EZH2: variants seen among roughly 807,000 people sequenced by gnomAD.
The protein encoded by EZH2 is enhancer of zeste 2 polycomb repressive complex 2 subunit, also known as histone-lysine N-methyltransferase EZH2.
In EZH2, 18 loss-of-function variants were observed where a neutral mutation model predicts 98.4. The observed-to-expected ratio is 0.18, with a 90% confidence interval of 0.13 to 0.27. The LOEUF is 0.27. Among genes scored for constraint, EZH2 ranks in the 10% least tolerant of loss-of-function variants. EZH2 has a pLI of 1.00. For missense variants in EZH2, 470 were observed against 935.1 expected, an observed-to-expected ratio of 0.50 and a Z score of 6.49; for synonymous variants, 338 against 312.3, an observed-to-expected ratio of 1.08 and a Z score of -0.87.
intron 1 of EZH2, among the ~76,000 whole-genome samples, chr7:148,881,609 C>A (rs1037353223): frequency 5.9e-5 from 9 of 152,068 alleles, no homozygotes; most frequent in Admixed American, 5.9e-4. Context: ...TAGTAATTAT[C>A]AAATACAGAG....
chr7:148,828,818 C>CT lies in EZH2; in HGVS notation c.546_547insA (p.Asp183ArgfsTer2). On this transcript the variant is annotated frameshift_variant, in exon 6 of 20. Transcript: ENST00000320356. LOFTEE classifies it high-confidence loss of function. ...TCTCCATCATCATCATCGTCATCAT[C>CT]ATTATATTGACCAAGGGCATTCACC... The CT allele has an allele frequency of 6.2e-7, 1 of 1,613,618 alleles. No homozygotes were observed. Among genetic ancestry groups the CT allele is most frequent in the Non-Finnish European group, 8.5e-7 (1 of 1,179,804 alleles).
chr7:148,829,920 C>CT, intron 4 of EZH2, 72 bp from the exon 5 acceptor site: 5 of 1,188,988 alleles, frequency 4.2e-6, no homozygotes, highest in Non-Finnish European at 5.8e-6. Context: ...AAAATACAAC[C>CT]TTTTTTTCAT....
At chr7:148,877,224 C>T (rs1820295428) in intron 1 of EZH2, among the ~76,000 whole-genome samples, 1 of 152,040 alleles carries the variant, frequency 6.6e-6, no homozygotes, top group Non-Finnish European at 1.5e-5. Context: ...TTAAAGGTAG[C>T]GAATGAGATA....
At chr7:148,828,246 T>C (rs989717529) in intron 6 of EZH2, among the ~76,000 whole-genome samples, 1 of 152,262 alleles carries the variant, frequency 6.6e-6, no homozygotes. Flanking sequence ...TATATTATAA[T>C]GATGCCCAGT....
intron 12 of EZH2, 76 bp from the exon 13 acceptor site, chr7:148,815,622 T>C: frequency 7.8e-7 from 1 of 1,276,078 alleles, no homozygotes; most frequent in Non-Finnish European, 1.1e-6. Flanking sequence ...CTTAACTGGA[T>C]CTATCTGTGC....
At chr7:148,842,477 T>G (rs1812712108) in intron 3 of EZH2, among the ~76,000 whole-genome samples, 1 of 152,186 alleles carries the variant, frequency 6.6e-6, no homozygotes. Context: ...AAGACAAAGT[T>G]ATGAAAGTCA....
chr7:148,852,928 A>C (rs1816116843), intron 1 of EZH2, among the ~76,000 whole-genome samples: 1 of 152,156 alleles, frequency 6.6e-6, no homozygotes, highest in Middle Eastern at 3.2e-3. Context: ...ATCCACGAAG[A>C]CTCAAGTCCC....
chr7:148,830,463 A>C (rs1205151399), intron 4 of EZH2, among the ~76,000 whole-genome samples: 1 of 152,238 alleles, frequency 6.6e-6, no homozygotes, highest in East Asian at 1.9e-4. Flanking sequence ...CCAGTTATTA[A>C]AACAGCCATT....
chr7:148,818,188 A>C, intron 9 of EZH2, 71 bp from the exon 10 acceptor site: 1 of 1,459,860 alleles, frequency 6.8e-7, no homozygotes, highest in Non-Finnish European at 9.2e-7. Context: ...AAAAAAAAAT[A>C]CTATATAAGC....
At chr7:148,838,661 A>C (rs1409090740) in intron 3 of EZH2, among the ~76,000 whole-genome samples, 1 of 152,218 alleles carries the variant, frequency 6.6e-6, no homozygotes, top group Admixed American at 6.5e-5. Context: ...GTATTATATA[A>C]ATCTATAGTT....
In EZH2 at chr7:148,847,277, A is replaced by G. The variant is rs1454209655; in HGVS notation, c.22T>C (p.Ser8Pro). 6.2e-7 allele frequency: 1 copy of G among 1,613,790 alleles called. No individual in the cohort carries two copies. The highest frequency in any genetic ancestry group is 1.3e-5 in the African/African-American group (1 of 74,880). ...CGCCAACAAACTGGTCCCTTCTCAGATTTCTTCCCAGTCTGGCCCATGATT... is the reference window on the plus strand; with the variant it reads ...CGCCAACAAACTGGTCCCTTCTCAGGTTTCTTCCCAGTCTGGCCCATGATT... MGQTGKK[S>P]EKGPVCWRKR... The change falls in exon 2 of 20, where the codon TCT (serine) becomes CCT (proline). Residue 8 changes from serine to proline, a missense_variant. Coordinates refer to ENST00000320356, the MANE Select transcript of EZH2 (RefSeq NM_004456.5).
In EZH2 at chr7:148,807,709, G is replaced by GAAAC. The variant is rs1563181757; in HGVS notation, c.2196-7_2196-4dup. ...TCAGGGCATCAGCCTGGCTGTATCT[G>GAAAC]AAACAACAGGAAGGAGATGTCCGCT... On this transcript the variant is annotated splice_region_variant and splice_polypyrimidine_tract_variant and intron_variant, in intron 19 of 19. Coordinates refer to ENST00000320356, the MANE Select transcript of EZH2 (RefSeq NM_004456.5). The GAAAC allele has an allele frequency of 1.9e-6, 3 of 1,581,280 alleles. No homozygotes were observed. Among genetic ancestry groups the GAAAC allele is most frequent in the East Asian group, 4.6e-5 (2 of 43,706 alleles).
chr7:148,817,753 A>G, intron 10 of EZH2, 124 bp downstream of exon 10: 2 of 1,292,950 alleles, frequency 1.5e-6, no homozygotes, highest in Non-Finnish European at 2.2e-6. Flanking sequence ...CATTCTTGAG[A>G]TAACTCTGGT....
At chr7:148,855,897 CAAAAAAAAAA>C (rs34692092) in intron 1 of EZH2, among the ~76,000 whole-genome samples, 2 of 41,004 alleles carry the variant, frequency 4.9e-5, no homozygotes, top group East Asian at 7.5e-4. Flanking sequence ...GACTCCATCT[CAAAAAAAAAA>C]AAAAAAAAAA....
In EZH2 at chr7:148,807,670, G is replaced by A. The variant is rs373975096; in HGVS notation, c.2232C>T (p.Ile744=). ...GTCAAGGGATTTCCATTTCTCTTTC[G>A]ATGCCGACATACTTCAGGGCATCAG... The part of the protein sequence containing the change: ...SQADALKYVG[I]EREMEIP The change falls in exon 20 of 20, where the codon ATC becomes ATT. Residue 744 remains isoleucine (I), a synonymous_variant. Transcript: ENST00000320356. The A allele has an allele frequency of 2.1e-5, 34 of 1,598,100 alleles. No homozygotes were observed. Among genetic ancestry groups the A allele is most frequent in the South Asian group, 6.8e-5 (6 of 87,948 alleles).
intron 1 of EZH2, among the ~76,000 whole-genome samples, chr7:148,863,118 A>T (rs1409413066): frequency 6.6e-6 from 1 of 151,730 alleles, no homozygotes; most frequent in Non-Finnish European, 1.5e-5. Flanking sequence ...GAAAGAAAAA[A>T]TAGTTTTGAT....
chr7:148,829,917 A>T, intron 4 of EZH2, 69 bp from the exon 5 acceptor site: 1 of 1,229,234 alleles, frequency 8.1e-7, no homozygotes, highest in East Asian at 2.5e-5. Context: ...ACTAAAATAC[A>T]ACCTTTTTTT....
intron 3 of EZH2, among the ~76,000 whole-genome samples, chr7:148,834,461 C>G (rs189705501): frequency 3.3e-4 from 50 of 151,920 alleles, no homozygotes; most frequent in African/African-American, 1.0e-3. Flanking sequence ...GAGTAGAAAT[C>G]TGGCATATGG....
intron 6 of EZH2, among the ~76,000 whole-genome samples, chr7:148,828,101 G>A (rs906246410): frequency 6.6e-6 from 1 of 152,214 alleles, no homozygotes; most frequent in Non-Finnish European, 1.5e-5. Flanking sequence ...CTGGGCGACA[G>A]AGCGAGACTC....
Sources: gnomAD v4.1 joint callset for allele counts (sites outside exome capture counted in the v4.1 genomes callset) on GRCh38, gnomAD v4.1.1 for gene constraint, MANE v1.5 for transcripts, NCBI Gene and HGNC (gene_info 2026-07-23, HGNC 2026-07-21) for gene names.